Variants in KSR2 observed in about 807,000 individuals in gnomAD.
KSR2 encodes kinase suppressor of ras 2.
KSR2 carries 25 observed loss-of-function variants against 107.8 expected under a neutral mutation model. The observed-to-expected ratio is 0.23, with a 90% CI of 0.17 to 0.32. KSR2 has a LOEUF of 0.32. KSR2 is among the 10% of genes least tolerant of loss of function. The probability of loss-of-function intolerance (pLI) is 1.00; values close to 1 mark genes in which losing one functional copy is unlikely to be tolerated. For synonymous variants in KSR2, 480 were observed against 507.0 expected, an observed-to-expected ratio of 0.95 and a Z score of 0.71; for missense variants, 887 against 1,268.9, an observed-to-expected ratio of 0.70 and a Z score of 4.57.
intron 3 of KSR2, among the ~76,000 whole-genome samples, chr12:117,804,357 C>G (rs922428492): frequency 3.9e-5 from 6 of 152,142 alleles, no homozygotes; most frequent in Non-Finnish European, 7.3e-5. Flanking sequence ...ATTGTCTATA[C>G]CTGATTTCAC....
chr12:117,843,050 A>G (rs1566044515), intron 3 of KSR2, among the ~76,000 whole-genome samples: 1 of 152,142 alleles, frequency 6.6e-6, no homozygotes, highest in Non-Finnish European at 1.5e-5. Context: ...ATCACAGTCC[A>G]GTACATATTC....
chr12:117,648,990 C>T (rs1186186921), intron 5 of KSR2, among the ~76,000 whole-genome samples: 2 of 151,576 alleles, frequency 1.3e-5, no homozygotes, highest in Non-Finnish European at 2.9e-5. Context: ...TGCTGTCTTA[C>T]TAGGCAGGGA....
chr12:117,849,484 T>C (rs1357227558), intron 3 of KSR2, among the ~76,000 whole-genome samples: 1 of 152,236 alleles, frequency 6.6e-6, no homozygotes, highest in Non-Finnish European at 1.5e-5. Flanking sequence ...ATCCTGGCTC[T>C]GGGATCCTTT....
At position 117,469,821 on chromosome 12, in the gene KSR2, T is replaced by G. The variant is rs759165619; in HGVS notation, c.2713-26A>C. Reference sequence around the variant, plus strand: ...CTAAATGAAACCAATGTGTGGTGATTACACATAAATGGTGATTTCTTGATT... The same window carrying G: ...CTAAATGAAACCAATGTGTGGTGATGACACATAAATGGTGATTTCTTGATT... On this transcript the variant is annotated intron_variant, in intron 18 of 19. Coordinates refer to ENST00000339824, the MANE Select transcript of KSR2 (RefSeq NM_173598.6). The G allele has an allele frequency of 8.1e-6, 13 of 1,611,750 alleles. No individual in the cohort carries two copies. The East Asian group carries it at 2.9e-4, about 36-fold the overall frequency.
chr12:117,885,508 A>T (rs987595379), intron 1 of KSR2, among the ~76,000 whole-genome samples: 2 of 152,126 alleles, frequency 1.3e-5, no homozygotes, highest in Admixed American at 6.6e-5. Flanking sequence ...ATCTCTGGGG[A>T]AAAGTGTGTG....
intron 5 of KSR2, among the ~76,000 whole-genome samples, chr12:117,614,761 C>T (rs987843567): frequency 8.5e-5 from 13 of 152,226 alleles, no homozygotes; most frequent in South Asian, 4.1e-4. Flanking sequence ...ATAATTTTGA[C>T]GATTGTTCAT....
At chr12:117,793,962 A>AT (rs1890438327) in intron 3 of KSR2, among the ~76,000 whole-genome samples, 1 of 139,770 alleles carries the variant, frequency 7.2e-6, no homozygotes, top group East Asian at 2.3e-4. Context: ...CGCACACACC[A>AT]ACATGCACAC....
At chr12:117,641,677 A>C (rs1445004343) in intron 5 of KSR2, among the ~76,000 whole-genome samples, 3 of 152,090 alleles carry the variant, frequency 2.0e-5, no homozygotes, top group African/African-American at 7.2e-5. Flanking sequence ...TCACATTCCA[A>C]GGTATTGGGG....
chr12:117,894,270 G>T (rs901322256), intron 1 of KSR2, among the ~76,000 whole-genome samples: 2 of 152,184 alleles, frequency 1.3e-5, no homozygotes, highest in Non-Finnish European at 2.9e-5. Context: ...AGAGTGAGAT[G>T]AATTGTACAA....
At chr12:117,703,394 G>A (rs550517171) in intron 4 of KSR2, among the ~76,000 whole-genome samples, 30 of 152,224 alleles carry the variant, frequency 2.0e-4, no homozygotes, top group African/African-American at 7.0e-4. Context: ...AACCTTGAGA[G>A]TGGGCACCTC....
At chr12:117,713,207 T>C (rs1886857455) in intron 4 of KSR2, among the ~76,000 whole-genome samples, 1 of 151,642 alleles carries the variant, frequency 6.6e-6, no homozygotes, top group Admixed American at 6.6e-5. Context: ...TATATAGATA[T>C]ATATAGATAG....
At chr12:117,475,967 C>T (rs1441831336) in intron 17 of KSR2, among the ~76,000 whole-genome samples, 2 of 152,200 alleles carry the variant, frequency 1.3e-5, no homozygotes, top group African/African-American at 2.4e-5. Context: ...GGATCCCCAG[C>T]CTGCTGAGCC....
Position 117,453,017 on chromosome 12 carries a change from T to C in KSR2, c.*14182A>G, listed in dbSNP as rs1457456977. 1.3e-5 allele frequency: 2 copies of C among 152,590 alleles called. No homozygotes were observed. Among genetic ancestry groups the C allele is most frequent in the African/African-American group, 4.8e-5 (2 of 41,450 alleles). The allele number at this position is 152,590 out of a possible 1,614,324, so 9.5% of individuals were successfully genotyped here. On this transcript the variant is annotated 3_prime_UTR_variant, in exon 20 of 20. Transcript: ENST00000339824. ...CTTCTTTCTGTACAACAGACAACAA[T>C]AGAATTCAGACCTGTCTTGGCAGTA... is the stretch of plus-strand genomic sequence containing the variant.
rs180741072 is a variant in KSR2 at position 117,651,405 on chromosome 12, G to A, written c.1171+16069C>T. ...TGAGGAGGTGCACTACACTCTAAAA[G>A]AACTGTTTGAGTTCTCCAATTTATA... is the stretch of plus-strand genomic sequence containing the variant. On this transcript the variant is annotated intron_variant, in intron 5 of 19. Transcript: ENST00000339824. Among the ~76,000 whole-genome samples, 21 of 152,254 alleles carry A rather than the reference G, an allele frequency of 1.4e-4. No individual in the cohort carries two copies. The East Asian group carries it at 4.1e-3, about 29-fold the overall frequency.
chr12:117,525,067 G>C lies in KSR2; in HGVS notation c.2004C>G (p.Ile668Met), dbSNP rs56178407. ...AGCGGCCCTTTCCAATGAGCTCGCC[G>C]ATCTCCAGCTGCTCAAAGGGGATGT... ...EWDIPFEQLE[I>M]GELIGKGRFG... The change falls in exon 14 of 20, where the codon ATC becomes ATG. Residue 668 changes from isoleucine (I) to methionine (M), a missense_variant. By Grantham distance (10) the Ile-to-Met change is conservative. Coordinates refer to ENST00000339824, the MANE Select transcript of KSR2 (RefSeq NM_173598.6). 8.7e-6 allele frequency: 14 copies of C among 1,613,858 alleles called. No homozygotes were observed. The highest frequency in any genetic ancestry group is 1.6e-4 in the Middle Eastern group (1 of 6,084).
intron 4 of KSR2, among the ~76,000 whole-genome samples, chr12:117,697,401 G>T (rs576074897): frequency 6.6e-6 from 1 of 152,166 alleles, no homozygotes; most frequent in African/African-American, 2.4e-5. Flanking sequence ...AGTTCAAGAC[G>T]CTATCTGCTT....
chr12:117,721,659 G>A (rs1224729066), intron 4 of KSR2, among the ~76,000 whole-genome samples: 2 of 152,186 alleles, frequency 1.3e-5, no homozygotes, highest in Admixed American at 6.5e-5. Context: ...TAGATGGGTT[G>A]AGTTTTGGTC....
At chr12:117,694,283 T>C (rs1167608059) in intron 4 of KSR2, among the ~76,000 whole-genome samples, 1 of 152,190 alleles carries the variant, frequency 6.6e-6, no homozygotes, top group Non-Finnish European at 1.5e-5. Flanking sequence ...GGACGTTTCC[T>C]CCATACTGTT....
chr12:117,568,536 C>T (rs1019388988), intron 7 of KSR2, among the ~76,000 whole-genome samples: 1 of 152,140 alleles, frequency 6.6e-6, no homozygotes, highest in Admixed American at 6.5e-5. Context: ...AGTAACAGAT[C>T]CACACACCGT....
Sources: gnomAD v4.1 joint callset for allele counts (sites outside exome capture counted in the v4.1 genomes callset) on GRCh38, gnomAD v4.1.1 for gene constraint, MANE v1.5 for transcripts, NCBI Gene and HGNC (gene_info 2026-07-23, HGNC 2026-07-21) for gene names.